CENPU: variants seen among roughly 807,000 people sequenced by gnomAD.
CENPU encodes the protein KSHV latent nuclear antigen interacting protein 1.
In CENPU, 46 loss-of-function variants were observed where a neutral mutation model predicts 56.7. The observed-to-expected ratio is 0.81, with a 90% CI of 0.64 to 1.04. CENPU has a LOEUF of 1.04. CENPU is among the 50% of genes least tolerant of loss of function. The probability of loss-of-function intolerance (pLI) is 0.00; values close to 1 mark genes in which losing one functional copy is unlikely to be tolerated. For missense variants in CENPU, 510 were observed against 490.1 expected (o/e 1.04, Z -0.38); for synonymous variants, 166 against 163.0 (o/e 1.02, Z -0.14).
intron 6 of CENPU, among the ~76,000 whole-genome samples, chr4:184,713,665 C>A (rs1365444437): frequency 6.6e-6 from 1 of 152,188 alleles, no homozygotes; most frequent in East Asian, 1.9e-4. Flanking sequence ...CCATAAACAA[C>A]CATAAAATGG....
At chr4:184,724,869 T>C in intron 4 of CENPU, 88 bp downstream of exon 4, 1 of 844,540 alleles carries the variant, frequency 1.2e-6, no homozygotes, top group East Asian at 2.5e-5. Flanking sequence ...GATCTTGAAA[T>C]GCTTTTGTTT....
At chr4:184,707,007 T>C (rs181592466) in intron 8 of CENPU, among the ~76,000 whole-genome samples, 2 of 151,334 alleles carry the variant, frequency 1.3e-5, no homozygotes, top group East Asian at 3.9e-4. Context: ...TATAAGAGAT[T>C]TGTGAATAGG....
intron 4 of CENPU, among the ~76,000 whole-genome samples, chr4:184,721,711 G>T (rs6552808): frequency 0.18 from 27,057 of 151,978 alleles, 2,693 homozygotes; most frequent in African/African-American, 0.26. Flanking sequence ...ATAACAATTT[G>T]AAACATACAT....
At position 184,716,401 on chromosome 4, in the gene CENPU, T is replaced by C. The variant is rs1272727465; in HGVS notation, c.614A>G (p.Gln205Arg). The C allele has an allele frequency of 6.2e-6, 10 of 1,612,508 alleles. No individual in the cohort carries two copies. The highest frequency in any genetic ancestry group is 7.6e-6 in the Non-Finnish European group (9 of 1,179,160). ...VEKENLAIESQSKTQKKGKIS... is the reference protein window; with the variant it reads ...VEKENLAIESRSKTQKKGKIS... ...GGGGATGGCAGACGTTCTTACCGAT[T>C]GACTTTCTATTGCCAAGTTCTCTTT... The change falls in exon 6 of 13, where the codon CAA (glutamine) becomes CGA (arginine). Residue 205 changes from glutamine to arginine, a missense_variant. Coordinates refer to ENST00000281453, the MANE Select transcript of CENPU (RefSeq NM_024629.4).
rs752153326 is a variant in CENPU at position 184,694,560 on chromosome 4, G to A, written c.*728C>T. On this transcript the variant is annotated 3_prime_UTR_variant, in exon 13 of 13. Coordinates refer to ENST00000281453, the MANE Select transcript of CENPU (RefSeq NM_024629.4). The stretch of plus-strand genomic sequence containing the variant: ...CAACAGATGAAGCAGATGAAACTAG[G>A]AGCAATGAAACCCAGAATCCTCATA... 1.2e-6 allele frequency: 2 copies of A among 1,613,960 alleles called. No individual in the cohort carries two copies. Among genetic ancestry groups the A allele is most frequent in the East Asian group, 2.2e-5 (1 of 44,870 alleles).
At position 184,712,986 on chromosome 4, in the gene CENPU, G is replaced by T; in HGVS notation, c.646C>A (p.His216Asn). Residue 216 changes from histidine (H) to asparagine (N), a missense_variant, in exon 7 of 13, where the codon CAT becomes AAT. His to Asn is a moderately conservative substitution (Grantham distance 68). Coordinates refer to ENST00000281453, the MANE Select transcript of CENPU (RefSeq NM_024629.4). ...SKTQKKGKIS[H>N]DKRKKSRSKA... ...CTTCTTGATTTCTTCCTTTTGTCAT[G>T]AGATATCTTCCCTTTTTTCTGAGTT... The T allele has an allele frequency of 1.3e-6, 2 of 1,590,984 alleles. No individual in the cohort carries two copies. Among genetic ancestry groups the T allele is most frequent in the Non-Finnish European group, 8.6e-7 (1 of 1,168,004 alleles).
At chr4:184,725,585 A>G (rs1312184965) in intron 3 of CENPU, among the ~76,000 whole-genome samples, 1 of 152,218 alleles carries the variant, frequency 6.6e-6, no homozygotes, top group African/African-American at 2.4e-5. Flanking sequence ...CATCCCTGTC[A>G]GGCGTCATAC....
At chr4:184,701,173 A>T (rs7674952) in intron 10 of CENPU, among the ~76,000 whole-genome samples, 1 of 152,040 alleles carries the variant, frequency 6.6e-6, no homozygotes, top group Admixed American at 6.5e-5. Flanking sequence ...TGTGACCTGT[A>T]AAGTGAGGAG....
intron 12 of CENPU, 110 bp downstream of exon 12, chr4:184,697,535 CTG>C (rs141579181): frequency 0.16 from 157,733 of 1,008,294 alleles, 13,274 homozygotes; most frequent in African/African-American, 0.27. Context: ...TAGGTGGACT[CTG>C]TAATTCTGTA....
chr4:184,719,037 G>T (rs1363676225), intron 4 of CENPU, among the ~76,000 whole-genome samples: 1 of 152,128 alleles, frequency 6.6e-6, no homozygotes, highest in Admixed American at 6.5e-5. Context: ...GAGAAGAGGG[G>T]GCTGACAGCA....
Position 184,694,967 on chromosome 4 carries a change from C to G in CENPU, c.*321G>C. 1.8e-6 allele frequency: 1 copy of G among 566,134 alleles called. No homozygotes were observed. Among genetic ancestry groups the G allele is most frequent in the Non-Finnish European group, 3.1e-6 (1 of 325,566 alleles). The allele number at this position is 566,134 out of a possible 1,614,324, so 35.1% of individuals were successfully genotyped here. A position where few individuals can be genotyped will look rare whatever the true frequency, so the allele number is the denominator to read the frequency against. On this transcript the variant is annotated 3_prime_UTR_variant, in exon 13 of 13. Transcript: ENST00000281453. ...TTTGGTGTAAATTCAGGAGAAATCG[C>G]CTTATTAATTAATCAAAATTATGTT...
Position 184,694,156 on chromosome 4 carries a change from T to C in CENPU, c.*1132A>G, listed in dbSNP as rs1436805943. ...GCTAAATACTTTAAAATTTAAAGCA[T>C]GGGTACTAAGTCCATTGTCAAGATA... On this transcript the variant is annotated 3_prime_UTR_variant, in exon 13 of 13. Coordinates refer to ENST00000281453, the MANE Select transcript of CENPU (RefSeq NM_024629.4). 5.5e-6 allele frequency: 5 copies of C among 906,352 alleles called. No homozygotes were observed. In the African/African-American group the frequency reaches 8.9e-5, roughly 16 times the overall value. 56.1% of individuals were successfully genotyped at this position (906,352 alleles called of 1,614,324 possible). A position where few individuals can be genotyped will look rare whatever the true frequency, so the allele number is the denominator to read the frequency against.
intron 6 of CENPU, 22 bp from the exon 7 acceptor site, chr4:184,713,035 A>G (rs755702916): frequency 6.9e-7 from 1 of 1,455,684 alleles, no homozygotes; most frequent in Admixed American, 2.0e-5. Flanking sequence ...AAAAGCATTA[A>G]GTTTTTAAGA....
chr4:184,733,349 G>T (rs1761722705), intron 1 of CENPU: 1 of 986,970 alleles, frequency 1.0e-6, no homozygotes, highest in African/African-American at 1.7e-5. Flanking sequence ...GTTCTCTTCA[G>T]ATCGTCTTGG....
chr4:184,719,036 G>T (rs933465031), intron 4 of CENPU, among the ~76,000 whole-genome samples: 2 of 152,106 alleles, frequency 1.3e-5, no homozygotes. Flanking sequence ...GGAGAAGAGG[G>T]GGCTGACAGC....
chr4:184,711,259 G>T (rs1258931990), intron 7 of CENPU, among the ~76,000 whole-genome samples: 1 of 152,072 alleles, frequency 6.6e-6, no homozygotes, highest in Non-Finnish European at 1.5e-5. Context: ...TTAGGGGGGT[G>T]GGTGGATTCA....
chr4:184,733,243 C>T, intron 1 of CENPU: 1 of 894,106 alleles, frequency 1.1e-6, no homozygotes, highest in South Asian at 5.1e-5. Flanking sequence ...GTTTCCCCAC[C>T]CACCTGCGGT....
In CENPU at chr4:184,724,996, G is replaced by C. The variant is rs370971533; in HGVS notation, c.281C>G (p.Ser94Cys). The C allele has an allele frequency of 1.6e-4, 255 of 1,612,984 alleles. No homozygotes were observed. The highest frequency in any genetic ancestry group is 2.0e-4 in the Non-Finnish European group (235 of 1,179,460). The change falls in exon 4 of 13, where the codon TCT becomes TGT. Residue 94 changes from serine to cysteine, a missense_variant. Transcript: ENST00000281453. ...EEEFSKHCGL[S>C]LSSTPPGKEA... ...TTTTCCTGGAGGAGTTGAAGAGAGA[G>C]ACAGTCCACAATGTTTGGAGAATTC...
At chr4:184,717,283 C>T in intron 4 of CENPU, 87 bp from the exon 5 acceptor site, 1 of 961,974 alleles carries the variant, frequency 1.0e-6, no homozygotes. Context: ...AACATGAAAA[C>T]AGACTCAATT....
Sources: allele counts gnomAD v4.1 joint callset (sites outside exome capture counted in the v4.1 genomes callset), GRCh38; gene constraint gnomAD v4.1.1; transcripts MANE v1.5; gene names NCBI Gene and HGNC (gene_info 2026-07-23, HGNC 2026-07-21).